Variants in RHOA observed in about 807,000 individuals in gnomAD.
RHOA encodes ras homolog family member A.
Under a neutral mutation model 17.5 loss-of-function variants are expected in RHOA, and 3 were observed. That is an observed-to-expected ratio of 0.17 (90% CI 0.08 to 0.44). The LOEUF (loss-of-function observed/expected upper bound fraction) is 0.44, where lower values mean the gene tolerates loss of function less well. Ranked by LOEUF, RHOA falls within the 20% of genes least tolerant of loss-of-function variation. The pLI is 0.99. For synonymous variants in RHOA, 98 were observed against 88.4 expected, an observed-to-expected ratio of 1.11 and a Z score of -0.61; for missense variants, 56 against 242.3, an observed-to-expected ratio of 0.23 and a Z score of 5.10.
chr3:49,401,388 T>C (rs2048722023), intron 1 of RHOA, among the ~76,000 whole-genome samples: 1 of 151,442 alleles, frequency 6.6e-6, no homozygotes, highest in Non-Finnish European at 1.5e-5. Context: ...CAAGGTAGCT[T>C]ATGCCTATAA....
chr3:49,411,127 A>G (rs923260971), intron 1 of RHOA, among the ~76,000 whole-genome samples: 1 of 151,996 alleles, frequency 6.6e-6, no homozygotes, highest in African/African-American at 2.4e-5. Context: ...CGCTTAAATC[A>G]TTTACAGTTT....
chr3:49,401,041 C>CAAAAAAATAAAAAAAAA, intron 1 of RHOA, among the ~76,000 whole-genome samples: 1 of 67,584 alleles, frequency 1.5e-5, no homozygotes, highest in Non-Finnish European at 2.6e-5. Context: ...GACTCCGTCT[C>CAAAAAAATAAAAAAAAA]AAAAAAAAAA....
At chr3:49,380,822 A>G (rs2048304783) in intron 1 of RHOA, among the ~76,000 whole-genome samples, 1 of 151,500 alleles carries the variant, frequency 6.6e-6, no homozygotes, top group African/African-American at 2.4e-5. Context: ...GAGGGCAAAC[A>G]ACGACAAAAA....
chr3:49,395,143 C>T (rs764826183), intron 1 of RHOA, among the ~76,000 whole-genome samples: 5 of 150,954 alleles, frequency 3.3e-5, no homozygotes, highest in Admixed American at 6.6e-5. Context: ...CCCAGCTACT[C>T]GGGAGGCTGA....
In RHOA at chr3:49,406,255, C is replaced by T. The variant is rs1217777335; in HGVS notation, c.-3+5565G>A. ...CCCAAACAAAGTTACAAAAAAAAAT[C>T]CCAGTAGTAGAGCATATGATCTCTA... On this transcript the variant is annotated intron_variant, in intron 1 of 4. Coordinates refer to ENST00000418115, the MANE Select transcript of RHOA (RefSeq NM_001664.4). Among the ~76,000 whole-genome samples the T allele has an allele frequency of 3.3e-5, 5 of 152,128 alleles. No homozygotes were observed. In the East Asian group the frequency reaches 9.6e-4, roughly 29 times the overall value.
chr3:49,398,839 C>CAAAAAAAAAAAAAAAAAAAAAAAAAAAA (rs71080506), intron 1 of RHOA, among the ~76,000 whole-genome samples: 1 of 35,654 alleles, frequency 2.8e-5, no homozygotes, highest in Admixed American at 5.8e-4. Flanking sequence ...GACTCCGTCT[C>CAAAAAAAAAAAAAAAAAAAAAAAAAAAA]AAAAAAAAAA....
chr3:49,405,084 C>T (rs184052996), intron 1 of RHOA, among the ~76,000 whole-genome samples: 4 of 148,166 alleles, frequency 2.7e-5, no homozygotes, highest in Admixed American at 1.3e-4. Flanking sequence ...CCTGTCTCTA[C>T]TAAAAATACA....
At chr3:49,360,424 GCAT>G (rs748690973) in intron 4 of RHOA, 42 bp from the exon 5 acceptor site, 104 of 1,559,582 alleles carry the variant, frequency 6.7e-5, no homozygotes, top group Non-Finnish European at 8.5e-5. Context: ...TAATAGTGTG[GCAT>G]ACATATAGTA....
chr3:49,377,153 G>C (rs576278019), intron 1 of RHOA, among the ~76,000 whole-genome samples: 2 of 152,052 alleles, frequency 1.3e-5, no homozygotes, highest in African/African-American at 4.8e-5. Context: ...AATTGAGGCC[G>C]AGCACAGTGG....
At chr3:49,363,448 A>G (rs1034785937) in intron 3 of RHOA, among the ~76,000 whole-genome samples, 4 of 152,110 alleles carry the variant, frequency 2.6e-5, no homozygotes, top group Non-Finnish European at 5.9e-5. Flanking sequence ...AAAATAACCA[A>G]AAGAGGCTGG....
At chr3:49,411,301 T>A (rs988295171) in intron 1 of RHOA, among the ~76,000 whole-genome samples, 7 of 152,208 alleles carry the variant, frequency 4.6e-5, no homozygotes, top group Non-Finnish European at 7.3e-5. Context: ...CTCCAACAAG[T>A]CTGCATTAAA....
At chr3:49,407,888 A>T (rs2048861234) in intron 1 of RHOA, among the ~76,000 whole-genome samples, 2 of 152,154 alleles carry the variant, frequency 1.3e-5, no homozygotes, top group Non-Finnish European at 2.9e-5. Flanking sequence ...ATGGCCAGAC[A>T]TAGTGGCTCT....
At chr3:49,393,674 CTCTGTGTGTGTG>C (rs1469302170) in intron 1 of RHOA, among the ~76,000 whole-genome samples, 7 of 4,354 alleles carry the variant, frequency 1.6e-3, no homozygotes, top group African/African-American at 2.9e-3. Context: ...CAAATTCTCT[CTCTGTGTGTGTG>C]TGTGTGTGTG....
At chr3:49,366,900 C>A (rs1407493694) in intron 3 of RHOA, 1 of 152,056 alleles carries the variant, frequency 6.6e-6, no homozygotes, top group African/African-American at 2.4e-5. Flanking sequence ...CATCCTTGAC[C>A]CACCTGCTGC....
At chr3:49,390,349 T>G (rs2048477852) in intron 1 of RHOA, among the ~76,000 whole-genome samples, 3 of 151,776 alleles carry the variant, frequency 2.0e-5, no homozygotes, top group South Asian at 4.2e-4. Flanking sequence ...CAGGCTGGTC[T>G]TGAACTCCTG....
intron 4 of RHOA, among the ~76,000 whole-genome samples, chr3:49,362,135 T>C (rs750342251): frequency 4.0e-5 from 6 of 150,304 alleles, no homozygotes; most frequent in Non-Finnish European, 8.9e-5. Flanking sequence ...TGCAGTGAGC[T>C]GAGATTGCGC....
chr3:49,404,433 A>AACACACACACACAC (rs374020319), intron 1 of RHOA, among the ~76,000 whole-genome samples: 1,598 of 90,718 alleles, frequency 0.018, 58 homozygotes, highest in African/African-American at 0.042. Context: ...TCTCTAGTAA[A>AACACACACACACAC]ACACACACAC....
At chr3:49,368,658 G>A (rs1017358593) in intron 2 of RHOA, 110 bp from the exon 3 acceptor site, 4 of 1,173,630 alleles carry the variant, frequency 3.4e-6, no homozygotes, top group Non-Finnish European at 5.0e-6. Flanking sequence ...TGAAATGGCA[G>A]ACGGTCTAAA....
In RHOA at chr3:49,362,592, C is replaced by T. The variant is rs2107830371; in HGVS notation, c.312G>A (p.Lys104=). 6.2e-7 allele frequency: 1 copy of T among 1,613,470 alleles called. No homozygotes were observed. Among genetic ancestry groups the T allele is most frequent in the Admixed American group, 1.7e-5 (1 of 59,904 alleles). ...NIPEKWTPEV[K]HFCPNVPIIL... is the part of the protein sequence containing the mutation. ...TGATGGGCACGTTGGGACAGAAATG[C>T]TTGACTTCTGGGGTCCACTTTTCTG... The change falls in exon 4 of 5, where the codon AAG becomes AAA. Residue 104 remains lysine, a synonymous_variant. Coordinates refer to ENST00000418115, the MANE Select transcript of RHOA (RefSeq NM_001664.4).
Sources: allele counts gnomAD v4.1 joint callset (sites outside exome capture counted in the v4.1 genomes callset), GRCh38; gene constraint gnomAD v4.1.1; transcripts MANE v1.5; gene names NCBI Gene and HGNC (gene_info 2026-07-23, HGNC 2026-07-21).